The following TMSB15B variants were observed in gnomAD, a reference collection of about 807,000 sequenced individuals.
TMSB15B encodes thymosin beta 15B.
At chrX:103,926,089 C>T (rs1255016975) in intron 1 of TMSB15B, among the ~76,000 whole-genome samples, 3 of 110,650 alleles carry the variant, frequency 2.7e-5, no homozygotes, top group Non-Finnish European at 3.8e-5. Flanking sequence ...TGAGCTTTTA[C>T]TCCTGCTCAG....
chrX:103,928,937 G>C (rs1324287908), intron 1 of TMSB15B: 4 of 1,204,183 alleles, frequency 3.3e-6, no homozygotes, highest in Admixed American at 2.2e-5. Context: ...CTAAGGTCCA[G>C]TGTGACATGG....
At chrX:103,937,662 A>G (rs1556322354) in intron 1 of TMSB15B, among the ~76,000 whole-genome samples, 3 of 109,889 alleles carry the variant, frequency 2.7e-5, no homozygotes, top group Non-Finnish European at 5.7e-5. Flanking sequence ...TTGTGTCTCT[A>G]TCTCCTTCAG....
chrX:103,953,188 A>G (rs1170007432), intron 1 of TMSB15B, among the ~76,000 whole-genome samples: 2 of 111,277 alleles, frequency 1.8e-5, no homozygotes, highest in Non-Finnish European at 3.8e-5. Context: ...TGCTTCTTCC[A>G]TGGATTTTTG....
chrX:103,939,072 T>A (rs1388304668), intron 1 of TMSB15B, among the ~76,000 whole-genome samples: 2 of 112,108 alleles, frequency 1.8e-5, no homozygotes, highest in Non-Finnish European at 3.8e-5. Flanking sequence ...CCTTTCTCTC[T>A]GGCTTCCCTT....
chrX:103,936,143 G>A (rs1344485416), intron 1 of TMSB15B, among the ~76,000 whole-genome samples: 1 of 111,470 alleles, frequency 9.0e-6, no homozygotes, highest in African/African-American at 3.3e-5. Flanking sequence ...ACCGCGCCCA[G>A]CTTCCATATG....
intron 1 of TMSB15B, among the ~76,000 whole-genome samples, chrX:103,950,613 AAT>A (rs781860787): frequency 2.4e-4 from 25 of 106,333 alleles, no homozygotes; most frequent in East Asian, 1.2e-3. Context: ...CCAAGAGAAA[AAT>A]ATATATATAT....
chrX:103,949,437 C>A (rs1456033644), intron 1 of TMSB15B, among the ~76,000 whole-genome samples: 30 of 112,030 alleles, frequency 2.7e-4, no homozygotes, highest in African/African-American at 9.4e-4. Flanking sequence ...GTGGATTCAA[C>A]CTTACGTGTA....
chrX:103,927,205 C>T (rs1256454255), intron 1 of TMSB15B, among the ~76,000 whole-genome samples: 2 of 110,964 alleles, frequency 1.8e-5, no homozygotes, highest in Non-Finnish European at 3.8e-5. Flanking sequence ...TCCCTGGGGA[C>T]GTTTGGCAAG....
chrX:103,922,032 A>G (rs1356036231), intron 1 of TMSB15B, among the ~76,000 whole-genome samples: 1 of 110,814 alleles, frequency 9.0e-6, no homozygotes, highest in Non-Finnish European at 1.9e-5. Flanking sequence ...TGCAGCTTTT[A>G]GAACAATTTA....
chrX:103,946,916 G>A (rs2075027181), intron 1 of TMSB15B, among the ~76,000 whole-genome samples: 1 of 111,611 alleles, frequency 9.0e-6, no homozygotes, highest in African/African-American at 3.3e-5. Flanking sequence ...GACGTGAGAA[G>A]TAACCTTAGT....
intron 1 of TMSB15B, among the ~76,000 whole-genome samples, chrX:103,936,068 A>T (rs2074997043): frequency 9.2e-6 from 1 of 108,640 alleles, no homozygotes; most frequent in Non-Finnish European, 1.9e-5. Context: ...CTGGTCTCGA[A>T]CTCCCCACCT....
intron 1 of TMSB15B, chrX:103,928,170 G>T (rs2074974320): frequency 2.6e-6 from 3 of 1,167,297 alleles, no homozygotes; most frequent in Non-Finnish European, 3.5e-6. Context: ...GGAAAGAAAA[G>T]CTGGCACTCC....
chrX:103,947,286 A>C (rs1164136477), intron 1 of TMSB15B, among the ~76,000 whole-genome samples: 1 of 111,775 alleles, frequency 8.9e-6, no homozygotes, highest in Non-Finnish European at 1.9e-5. Context: ...ATATACTGAA[A>C]GATCCCACTT....
intron 1 of TMSB15B, among the ~76,000 whole-genome samples, chrX:103,950,299 C>G (rs1290085560): frequency 9.0e-6 from 1 of 111,232 alleles, no homozygotes; most frequent in African/African-American, 3.3e-5. Context: ...ATTCCAAAGG[C>G]TCTAAGACAA....
At chrX:103,934,775 A>G (rs1317968130) in intron 1 of TMSB15B, among the ~76,000 whole-genome samples, 1 of 111,724 alleles carries the variant, frequency 9.0e-6, no homozygotes, top group African/African-American at 3.3e-5. Context: ...AGTCTTTGCT[A>G]TTGTGAATAG....
intron 1 of TMSB15B, among the ~76,000 whole-genome samples, chrX:103,951,677 A>G (rs781964003): frequency 4.5e-5 from 5 of 111,234 alleles, no homozygotes; most frequent in African/African-American, 6.5e-5. Context: ...TTGCCAAGCA[A>G]CACAAAGTGC....
chrX:103,925,285 G>A (rs1173816602), intron 1 of TMSB15B, among the ~76,000 whole-genome samples: 2 of 112,009 alleles, frequency 1.8e-5, no homozygotes, highest in East Asian at 2.8e-4. Context: ...ATTCAGTCTC[G>A]GGTCTGTCTG....
intron 1 of TMSB15B, among the ~76,000 whole-genome samples, chrX:103,929,584 A>G (rs2147818243): frequency 8.9e-6 from 1 of 112,054 alleles, no homozygotes; most frequent in Non-Finnish European, 1.9e-5. Context: ...TTAGGCTTGC[A>G]TGAACTCGTC....
chrX:103,932,760 TA>T (rs1255532657), intron 1 of TMSB15B: 1 of 111,885 alleles, frequency 8.9e-6, no homozygotes, highest in Non-Finnish European at 1.9e-5. Flanking sequence ...ATGTCAATAT[TA>T]ATATTTAGTT....
Sources: allele counts gnomAD v4.1 joint callset (sites outside exome capture counted in the v4.1 genomes callset), GRCh38; gene constraint gnomAD v4.1.1; transcripts MANE v1.5; gene names NCBI Gene and HGNC (gene_info 2026-07-23, HGNC 2026-07-21).